Variants in SLITRK5 observed in about 807,000 individuals in gnomAD.
SLITRK5 encodes SLIT and NTRK-like protein 5.
SLITRK5 carries 23 observed loss-of-function variants against 56.2 expected under a neutral mutation model. That is an observed-to-expected ratio of 0.41 (90% CI 0.29 to 0.58). The LOEUF (loss-of-function observed/expected upper bound fraction) is 0.58, where lower values mean the gene tolerates loss of function less well. SLITRK5 is among the 20% of genes least tolerant of loss of function. The pLI is 0.30. For missense variants in SLITRK5, 1,289 were observed against 1,226.6 expected, an observed-to-expected ratio of 1.05 and a Z score of -0.76; for synonymous variants, 637 against 531.8, an observed-to-expected ratio of 1.20 and a Z score of -2.72.
rs573443376 is a variant in SLITRK5, at chr13:87,679,029, C to T, written c.*764C>T. ...TATGCACATTTAGCATTCCTCTTTC[C>T]TTCACTATTTAGCCTATGATTTTGC... On this transcript the variant is annotated 3_prime_UTR_variant, in exon 2 of 2. Transcript: ENST00000683689. The T allele has an allele frequency of 8.4e-5, 14 of 166,894 alleles. 1 individual carries two copies. The South Asian group carries it at 2.7e-3, about 32-fold the overall frequency. 10.3% of individuals were successfully genotyped at this position (166,894 alleles called of 1,614,324 possible).
At chr13:87,675,231 T>G (rs1358683754) in intron 1 of SLITRK5, 150 bp from the exon 2 acceptor site, 2 of 611,740 alleles carry the variant, frequency 3.3e-6, no homozygotes, top group Non-Finnish European at 5.9e-6. Context: ...ATCTAGAGAA[T>G]GTCAATGTTT....
At chr13:87,673,281 T>G (rs1405777830) in intron 1 of SLITRK5, among the ~76,000 whole-genome samples, 1 of 151,724 alleles carries the variant, frequency 6.6e-6, no homozygotes, top group East Asian at 1.9e-4. Flanking sequence ...CGTCAGAATG[T>G]CAGCCTCCCC....
chr13:87,677,278 C>A lies in SLITRK5; in HGVS notation c.1890C>A (p.Val630=), dbSNP rs1403624927. ...CGCCCACACCCTCCTCTATCCAGGT[C>A]CCTGCGAGGACCAGCGCCGTGACTC... ...VSTPTPSSIQ[V]PARTSAVTPA... The change falls in exon 2 of 2, where the codon GTC becomes GTA. Residue 630 remains valine, a synonymous_variant. Coordinates refer to ENST00000683689, the MANE Select transcript of SLITRK5 (RefSeq NM_001384609.1). The surrounding 1 kb of genome is among the most constrained non-coding windows in gnomAD (Gnocchi z 4.7). The A allele has an allele frequency of 6.2e-7, 1 of 1,614,098 alleles. No homozygotes were observed. Among genetic ancestry groups the A allele is most frequent in the Non-Finnish European group, 8.5e-7 (1 of 1,180,062 alleles).
rs1416059946 is a variant in SLITRK5 at position 87,677,942 on chromosome 13, G to A, written c.2554G>A (p.Asp852Asn). 8.7e-6 allele frequency: 14 copies of A among 1,613,680 alleles called. 1 individual carries two copies. Among genetic ancestry groups the A allele is most frequent in the South Asian group, 7.7e-5 (7 of 91,056 alleles). The change falls in exon 2 of 2, where the codon GAC becomes AAC. Residue 852 changes from aspartate to asparagine, a missense_variant. By Grantham distance (23) the Asp-to-Asn change is conservative. Around this residue, in one of 3 missense-constraint regions of SLITRK5, gnomAD observed 985 missense variants for 906.0 expected, o/e 1.09. Transcript: ENST00000683689. The surrounding 1 kb of genome is among the most constrained non-coding windows in gnomAD (Gnocchi z 4.7). ...CCTGCTGTCGCCGGTGCAGGACGCCGACCGCTTTTACAGGGGCATTTTAGA... is the reference window on the plus strand; with the variant it reads ...CCTGCTGTCGCCGGTGCAGGACGCCAACCGCTTTTACAGGGGCATTTTAGA... The part of the protein sequence containing the change: ...EDLLSPVQDA[D>N]RFYRGILEPD...
At position 87,678,958 on chromosome 13, in the gene SLITRK5, C is replaced by G. The variant is rs1303351120; in HGVS notation, c.*693C>G. 1 of 165,510 alleles carries G rather than the reference C, an allele frequency of 6.0e-6. No homozygotes were observed. The highest frequency in any genetic ancestry group is 1.5e-5 in the Non-Finnish European group (1 of 67,932). 10.3% of individuals were successfully genotyped at this position (165,510 alleles called of 1,614,324 possible). On this transcript the variant is annotated 3_prime_UTR_variant, in exon 2 of 2. Transcript: ENST00000683689. ...ATCCATAATTGATTAGTCAAAATAA[C>G]TTATTGATGAAATATACAAATATTT...
Position 87,676,558 on chromosome 13 carries a change from C to G in SLITRK5, c.1170C>G (p.Asn390Lys). The G allele has an allele frequency of 2.5e-6, 4 of 1,614,142 alleles. No homozygotes were observed. The highest frequency in any genetic ancestry group is 3.4e-6 in the Non-Finnish European group (4 of 1,180,036). Reference protein sequence around the residue: ...CNLQISDLGLNVNCQERKIES... With the variant: ...CNLQISDLGLKVNCQERKIES... ...TGCAGATCTCTGATCTGGGCCTCAACGTAAACTGCCAGGAGCGAAAGATCG... is the reference window on the plus strand; with the variant it reads ...TGCAGATCTCTGATCTGGGCCTCAAGGTAAACTGCCAGGAGCGAAAGATCG... Residue 390 changes from asparagine to lysine, a missense_variant, in exon 2 of 2, where the codon AAC becomes AAG. Asn to Lys is a moderately conservative substitution (Grantham distance 94). Coordinates refer to ENST00000683689, the MANE Select transcript of SLITRK5 (RefSeq NM_001384609.1).
chr13:87,676,613 T>A lies in SLITRK5; in HGVS notation c.1225T>A (p.Tyr409Asn). The A allele has an allele frequency of 6.2e-7, 1 of 1,614,046 alleles. No individual in the cohort carries two copies. The highest frequency in any genetic ancestry group is 8.5e-7 in the Non-Finnish European group (1 of 1,180,024). Residue 409 changes from tyrosine (Y) to asparagine (N), a missense_variant, in exon 2 of 2, where the codon TAC becomes AAC. This residue lies in a region of SLITRK5 where 985 missense variants were observed against 906.0 expected (regional missense o/e 1.09). Transcript: ENST00000683689. ...ESIAELQPKP[Y>N]NPKKMYLTEN... ...CATCGCTGAACTGCAGCCCAAGCCC[T>A]ACAATCCCAAGAAAATGTATCTGAC... is the stretch of plus-strand genomic sequence containing the variant.
At position 87,671,677 on chromosome 13, in the gene SLITRK5, A is replaced by G. The variant is rs1877030796; in HGVS notation, c.-541A>G. Among the ~76,000 whole-genome samples, 2 of 151,992 alleles carry G rather than the reference A, an allele frequency of 1.3e-5. No homozygotes were observed. Among genetic ancestry groups the G allele is most frequent in the African/African-American group, 4.8e-5 (2 of 41,394 alleles). ...AGGATGTCGGTGATAGAGAGTTCCA[A>G]CTAATGACGATTGTGCGCCGCATCT... is the stretch of plus-strand genomic sequence containing the variant. On this transcript the variant is annotated 5_prime_UTR_variant, in exon 1 of 2. Transcript: ENST00000683689.
At chr13:87,675,004 G>A (rs1281831802) in intron 1 of SLITRK5, among the ~76,000 whole-genome samples, 3 of 151,640 alleles carry the variant, frequency 2.0e-5, no homozygotes, top group African/African-American at 7.3e-5. Flanking sequence ...CTTGTAAAAT[G>A]GTGCTTCTTT....
chr13:87,676,631 T>C lies in SLITRK5; in HGVS notation c.1243T>C (p.Tyr415His). 6.2e-7 allele frequency: 1 copy of C among 1,613,984 alleles called. No individual in the cohort carries two copies. Among genetic ancestry groups the C allele is most frequent in the Non-Finnish European group, 8.5e-7 (1 of 1,180,016 alleles). Residue 415 changes from tyrosine to histidine, a missense_variant, in exon 2 of 2, where the codon TAT (tyrosine) becomes CAT (histidine). Tyr to His is a moderately conservative substitution (Grantham distance 83). This residue lies in a region of SLITRK5 where 985 missense variants were observed against 906.0 expected (regional missense o/e 1.09). Transcript: ENST00000683689. ...CAAGCCCTACAATCCCAAGAAAATG[T>C]ATCTGACAGAGAACTACATCGCTGT... ...QPKPYNPKKM[Y>H]LTENYIAVVR...
In SLITRK5 at chr13:87,675,942, A is replaced by G. The variant is rs780499739; in HGVS notation, c.554A>G (p.Asn185Ser). 4.3e-6 allele frequency: 7 copies of G among 1,614,142 alleles called. No individual in the cohort carries two copies. Among genetic ancestry groups the G allele is most frequent in the Non-Finnish European group, 5.1e-6 (6 of 1,180,044 alleles). The change falls in exon 2 of 2, where the codon AAT becomes AGT. Residue 185 changes from asparagine to serine, a missense_variant. Asn to Ser is a conservative substitution (Grantham distance 46). This residue lies in a region of SLITRK5 where 291 missense variants were observed against 286.7 expected (regional missense o/e 1.02). Coordinates refer to ENST00000683689, the MANE Select transcript of SLITRK5 (RefSeq NM_001384609.1). ...CATTTGTTGCAGGTGCTTATCCTCA[A>G]TGACAATCTTTTGTCCAGTTTACCC... is the stretch of plus-strand genomic sequence containing the variant. ...KLHLLQVLILNDNLLSSLPNN... is the reference protein window; with the variant it reads ...KLHLLQVLILSDNLLSSLPNN...
chr13:87,678,045 C>T lies in SLITRK5; in HGVS notation c.2657C>T (p.Ala886Val), dbSNP rs1415118498. 1.9e-6 allele frequency: 3 copies of T among 1,614,026 alleles called. No homozygotes were observed. The African/African-American group carries it at 4.0e-5, about 22-fold the overall frequency. Residue 886 changes from alanine to valine, a missense_variant, in exon 2 of 2, where the codon GCT (alanine) becomes GTT (valine). Around this residue, in one of 3 missense-constraint regions of SLITRK5, gnomAD observed 985 missense variants for 906.0 expected, o/e 1.09. Transcript: ENST00000683689. ...CCCAAATTCCCGTGCAGCCCCGCTG[C>T]TTACACTTTCTCCCCCAACTATGAC... Reference protein sequence around the residue: ...EYPKFPCSPAAYTFSPNYDLR... With the variant: ...EYPKFPCSPAVYTFSPNYDLR...
At position 87,677,040 on chromosome 13, in the gene SLITRK5, A is replaced by C; in HGVS notation, c.1652A>C (p.Gln551Pro). 1 of 1,614,154 alleles carries C rather than the reference A, an allele frequency of 6.2e-7. No homozygotes were observed. Among genetic ancestry groups the C allele is most frequent in the Non-Finnish European group, 8.5e-7 (1 of 1,180,032 alleles). The change falls in exon 2 of 2, where the codon CAG becomes CCG. Residue 551 changes from glutamine to proline, a missense_variant. Physicochemically the swap from Gln to Pro is moderately conservative, Grantham distance 76 (BLOSUM62 -1). This residue lies in a region of SLITRK5 where 985 missense variants were observed against 906.0 expected (regional missense o/e 1.09). Transcript: ENST00000683689. The surrounding 1 kb of genome is among the most constrained non-coding windows in gnomAD (Gnocchi z 4.7). ...TTGCCAGTGAGTGGAGTTTTGGACCAGCTGAAGTCACTCATCCAAATCGAC... is the reference window on the plus strand; with the variant it reads ...TTGCCAGTGAGTGGAGTTTTGGACCCGCTGAAGTCACTCATCCAAATCGAC... ...TSLPVSGVLDQLKSLIQIDLH... is the reference protein window; with the variant it reads ...TSLPVSGVLDPLKSLIQIDLH...
Position 87,677,479 on chromosome 13 carries a change from C to T in SLITRK5, c.2091C>T (p.Ser697=). The change falls in exon 2 of 2, where the codon AGC becomes AGT. Residue 697 remains serine (S), a synonymous_variant. Transcript: ENST00000683689. This position sits in a 1 kb window ranked among gnomAD's most constrained non-coding sequence, Gnocchi z 4.7. ...TGAAGCGCAGGAAGAAGAACCAGAG[C>T]GACCACACCAGCACCAACAACTCCG... ...LVMKRRKKNQ[S]DHTSTNNSDV... The T allele has an allele frequency of 1.2e-6, 2 of 1,611,826 alleles. No individual in the cohort carries two copies. Among genetic ancestry groups the T allele is most frequent in the Non-Finnish European group, 8.5e-7 (1 of 1,179,980 alleles).
rs771048630 is a variant in SLITRK5, at chr13:87,676,136, T to C, written c.748T>C (p.Leu250=). 7.4e-6 allele frequency: 12 copies of C among 1,613,966 alleles called. No homozygotes were observed. The highest frequency in any genetic ancestry group is 2.7e-5 in the African/African-American group (2 of 74,888). Residue 250 remains leucine, a synonymous_variant, in exon 2 of 2, where the codon TTG becomes CTG. Transcript: ENST00000683689. ...SCELISLKDW[L]DSISYSALVG... is the part of the protein sequence containing the mutation. ...TGAGCTGATCTCTCTAAAGGATTGG[T>C]TGGACAGCATCTCCTATTCAGCCCT... is the stretch of plus-strand genomic sequence containing the variant.
Position 87,675,753 on chromosome 13 carries a change from C to T in SLITRK5, c.365C>T (p.Thr122Ile). The part of the protein sequence containing the change: ...LGSNVIQDIE[T>I]GAFHGLRGLR... ...AGCAATGTTATCCAGGACATTGAGA[C>T]CGGGGCTTTCCATGGGCTACGGGGT... The change falls in exon 2 of 2, where the codon ACC becomes ATC. Residue 122 changes from threonine (T) to isoleucine (I), a missense_variant. By Grantham distance (89) the Thr-to-Ile change is moderately conservative. Coordinates refer to ENST00000683689, the MANE Select transcript of SLITRK5 (RefSeq NM_001384609.1). The T allele has an allele frequency of 6.2e-7, 1 of 1,614,116 alleles. No homozygotes were observed. Among genetic ancestry groups the T allele is most frequent in the Non-Finnish European group, 8.5e-7 (1 of 1,180,026 alleles).
chr13:87,678,527 C>G lies in SLITRK5; in HGVS notation c.*262C>G, dbSNP rs556991645. On this transcript the variant is annotated 3_prime_UTR_variant, in exon 2 of 2. Coordinates refer to ENST00000683689, the MANE Select transcript of SLITRK5 (RefSeq NM_001384609.1). ...GGTGTGGAGAAGGGCTTTAAGGAGG[C>G]CAATTTGCTGCGCGGGTGACCTGTG... is the stretch of plus-strand genomic sequence containing the variant. 1 of 457,590 alleles carries G rather than the reference C, an allele frequency of 2.2e-6. No homozygotes were observed. The highest frequency in any genetic ancestry group is 4.6e-5 in the South Asian group (1 of 21,682). The allele number at this position is 457,590 out of a possible 1,614,324, so 28.3% of individuals were successfully genotyped here.
In SLITRK5 at chr13:87,675,572, A is replaced by G. The variant is rs1877236555; in HGVS notation, c.184A>G (p.Thr62Ala). 3 of 1,614,156 alleles carry G rather than the reference A, an allele frequency of 1.9e-6. No homozygotes were observed. The East Asian group carries it at 6.7e-5, about 36-fold the overall frequency. ...TTGTGAGGAAAAGGACGGCATTTTAACTGTGAGCTGTGAAAACCGGGGGAT... is the reference window on the plus strand; with the variant it reads ...TTGTGAGGAAAAGGACGGCATTTTAGCTGTGAGCTGTGAAAACCGGGGGAT... ...CPCEEKDGIL[T>A]VSCENRGIIS... Residue 62 changes from threonine (T) to alanine (A), a missense_variant, in exon 2 of 2, where the codon ACT becomes GCT. Coordinates refer to ENST00000683689, the MANE Select transcript of SLITRK5 (RefSeq NM_001384609.1).
rs761453215 is a variant in SLITRK5 at position 87,678,041 on chromosome 13, G to T, written c.2653G>T (p.Ala885Ser). ...PEYPKFPCSP[A>S]AYTFSPNYDL... ...ATATCCCAAATTCCCGTGCAGCCCC[G>T]CTGCTTACACTTTCTCCCCCAACTA... The change falls in exon 2 of 2, where the codon GCT becomes TCT. Residue 885 changes from alanine to serine, a missense_variant. Physicochemically the swap from Ala to Ser is moderately conservative, Grantham distance 99 (BLOSUM62 1). Coordinates refer to ENST00000683689, the MANE Select transcript of SLITRK5 (RefSeq NM_001384609.1). The T allele has an allele frequency of 1.2e-6, 2 of 1,614,084 alleles. No homozygotes were observed. Among genetic ancestry groups the T allele is most frequent in the Non-Finnish European group, 1.7e-6 (2 of 1,179,944 alleles).
Sources: gnomAD v4.1 joint callset for allele counts (sites outside exome capture counted in the v4.1 genomes callset) on GRCh38, gnomAD v4.1.1 for gene constraint, gnomAD v4.1.1 regional missense constraint, Gnocchi (gnomAD v3.1) non-coding constraint, MANE v1.5 for transcripts, NCBI Gene and HGNC (gene_info 2026-07-23, HGNC 2026-07-21) for gene names.